Variants in TECR observed in about 807,000 individuals in gnomAD.
TECR encodes very-long-chain enoyl-CoA reductase.
TECR carries 19 observed loss-of-function variants against 50.6 expected under a neutral mutation model. The ratio of observed to expected loss-of-function variants is 0.38; its 90% CI spans 0.26 to 0.55. The LOEUF is 0.55. TECR is among the 20% of genes least tolerant of loss of function. TECR has a pLI of 0.79. For missense variants in TECR, 313 were observed against 408.3 expected (o/e 0.77, Z 2.01); for synonymous variants, 168 against 163.5 (o/e 1.03, Z -0.21).
At chr19:14,534,801 A>C (rs145977907) in intron 1 of TECR, among the ~76,000 whole-genome samples, 1 of 152,156 alleles carries the variant, frequency 6.6e-6, no homozygotes, top group Non-Finnish European at 1.5e-5. Flanking sequence ...AGATAATGCA[A>C]CTGAAGCTCA....
At chr19:14,545,263 C>T (rs189032961) in intron 1 of TECR, 1,020 of 453,810 alleles carry the variant, frequency 2.2e-3, no homozygotes, top group Non-Finnish European at 2.5e-3. Flanking sequence ...TTCCAGCCTC[C>T]GGGTGTCACC....
chr19:14,542,758 A>G (rs1325206114), intron 1 of TECR, among the ~76,000 whole-genome samples: 1 of 151,028 alleles, frequency 6.6e-6, no homozygotes. Context: ...GAGCAGAGCG[A>G]CTCACCCCAG....
rs781472725 is a variant in TECR, at chr19:14,564,985, T to G, written c.599T>G (p.Ile200Ser). 8 of 1,613,992 alleles carry G rather than the reference T, an allele frequency of 5.0e-6. No homozygotes were observed. Among genetic ancestry groups the G allele is most frequent in the Non-Finnish European group, 5.9e-6 (7 of 1,180,018 alleles). The change falls in exon 9 of 13, where the codon ATC (isoleucine) becomes AGC (serine). Residue 200 changes from isoleucine (I) to serine (S), a missense_variant. Transcript: ENST00000215567. ...GAQQVKLALA[I>S]FVICQLGNFS... is the part of the protein sequence containing the mutation. The stretch of plus-strand genomic sequence containing the variant: ...CAGCAGGTGAAACTGGCGCTCGCCA[T>G]CTTTGTGGTAAGGAGGCTGGGTGTG...
At position 14,544,749 on chromosome 19, in the gene TECR, C is replaced by T. The variant is rs565573129; in HGVS notation, c.15+15038C>T. ...CTGGGTTCAAGGGATTCTTGTGCCC[C>T]GGCCTCCCAAGTAGCTGAGACCACA... On this transcript the variant is annotated intron_variant, in intron 1 of 12. Coordinates refer to ENST00000215567, the MANE Select transcript of TECR (RefSeq NM_138501.6). Among the ~76,000 whole-genome samples, 265 of 151,970 alleles carry T rather than the reference C, an allele frequency of 1.7e-3. 2 individuals are homozygous for T. Among genetic ancestry groups the T allele is most frequent in the African/African-American group, 6.1e-3 (252 of 41,460 alleles).
At chr19:14,550,416 C>G (rs2073457908) in intron 1 of TECR, among the ~76,000 whole-genome samples, 1 of 152,070 alleles carries the variant, frequency 6.6e-6, no homozygotes, top group South Asian at 2.1e-4. Flanking sequence ...GGGGGTTGGC[C>G]CGGATGAGCT....
chr19:14,538,532 T>C (rs1258523073), intron 1 of TECR, among the ~76,000 whole-genome samples: 1 of 91,722 alleles, frequency 1.1e-5, no homozygotes, highest in African/African-American at 4.6e-5. Context: ...AAACTCTTTT[T>C]TTTCTTTTTT....
chr19:14,529,589 GC>G, upstream of TECR: 1 of 1,562,678 alleles, frequency 6.4e-7, no homozygotes, highest in Non-Finnish European at 8.8e-7. Context: ...CGGACGCAGA[GC>G]CGCGTTTAGT....
Position 14,563,366 on chromosome 19 carries a change from C to T in TECR, c.118+109C>T. Reference sequence around the variant, plus strand: ...TCTCCCAGGGGCCTGCAGAGATGCCCCAGTGTGGCCCAGGCTTCTGGGGCG... The same window carrying T: ...TCTCCCAGGGGCCTGCAGAGATGCCTCAGTGTGGCCCAGGCTTCTGGGGCG... On this transcript the variant is annotated intron_variant, in intron 3 of 12. Transcript: ENST00000215567. This position sits in a 1 kb window ranked among gnomAD's most constrained non-coding sequence, Gnocchi z 5.3. 9.1e-7 allele frequency: 1 copy of T among 1,093,060 alleles called. No individual in the cohort carries two copies. The highest frequency in any genetic ancestry group is 1.4e-6 in the Non-Finnish European group (1 of 727,380). 67.7% of individuals were successfully genotyped at this position (1,093,060 alleles called of 1,614,324 possible). A position where few individuals can be genotyped will look rare whatever the true frequency, so the allele number is the denominator to read the frequency against.
intron 1 of TECR, among the ~76,000 whole-genome samples, chr19:14,541,783 ATTT>A (rs113623037): frequency 7.4e-6 from 1 of 134,422 alleles, no homozygotes; most frequent in African/African-American, 2.7e-5. Context: ...ACTTCTTTTC[ATTT>A]TTTTTTTTTT....
intron 1 of TECR, chr19:14,530,530 G>A (rs972696959): frequency 1.8e-4 from 28 of 152,160 alleles, no homozygotes; most frequent in Admixed American, 1.8e-3. Flanking sequence ...GCTTACTCTT[G>A]TGCTGGTGAG....
rs370468593 is a variant in TECR at position 14,541,045 on chromosome 19, C to T, written c.15+11334C>T. Among the ~76,000 whole-genome samples, 203 of 152,088 alleles carry T rather than the reference C, an allele frequency of 1.3e-3. 4 individuals carry two copies. In the South Asian group the frequency reaches 0.03, roughly 22 times the overall value. ...TTCACCATGTGGGCCAGGCTGATCT[C>T]GAACTCCTGAGCTCAAGTGATCTGC... On this transcript the variant is annotated intron_variant, in intron 1 of 12. Coordinates refer to ENST00000215567, the MANE Select transcript of TECR (RefSeq NM_138501.6).
chr19:14,563,409 TCCACGTGGCA>T lies in TECR; in HGVS notation c.118+154_118+163del. Reference sequence around the variant, plus strand: ...CTGGGGCGTGACTGGGGCAGGCGCCTCCACGTGGCACTCCGCAGGAACGCCCTTGCTAGGC... The same window carrying T: ...CTGGGGCGTGACTGGGGCAGGCGCCTCTCCGCAGGAACGCCCTTGCTAGGC... On this transcript the variant is annotated intron_variant, in intron 3 of 12. Coordinates refer to ENST00000215567, the MANE Select transcript of TECR (RefSeq NM_138501.6). This position sits in a 1 kb window ranked among gnomAD's most constrained non-coding sequence, Gnocchi z 5.3. 1 of 859,416 alleles carries T rather than the reference TCCACGTGGCA, an allele frequency of 1.2e-6. No homozygotes were observed. Among genetic ancestry groups the T allele is most frequent in the South Asian group, 1.5e-5 (1 of 68,256 alleles). The allele number at this position is 859,416 out of a possible 1,614,324, so 53.2% of individuals were successfully genotyped here.
Position 14,563,438 on chromosome 19 carries a change from G to A in TECR, c.118+181G>A. 1 of 816,896 alleles carries A rather than the reference G, an allele frequency of 1.2e-6. No homozygotes were observed. The highest frequency in any genetic ancestry group is 2.0e-6 in the Non-Finnish European group (1 of 501,102). The allele number at this position is 816,896 out of a possible 1,614,324, so 50.6% of individuals were successfully genotyped here. A position where few individuals can be genotyped will look rare whatever the true frequency, so the allele number is the denominator to read the frequency against. The stretch of plus-strand genomic sequence containing the variant: ...CGTGGCACTCCGCAGGAACGCCCTT[G>A]CTAGGCTCTGGGAAGGACAAGATCC... On this transcript the variant is annotated intron_variant, in intron 3 of 12. Coordinates refer to ENST00000215567, the MANE Select transcript of TECR (RefSeq NM_138501.6). This position sits in a 1 kb window ranked among gnomAD's most constrained non-coding sequence, Gnocchi z 5.3.
At chr19:14,547,383 C>T (rs2146592572) in intron 1 of TECR, among the ~76,000 whole-genome samples, 1 of 151,952 alleles carries the variant, frequency 6.6e-6, no homozygotes, top group East Asian at 1.9e-4. Context: ...TTTTTTGAGA[C>T]AGAGTCTCAG....
chr19:14,541,498 T>C (rs1384508560), intron 1 of TECR, among the ~76,000 whole-genome samples: 1 of 152,244 alleles, frequency 6.6e-6, no homozygotes, highest in African/African-American at 2.4e-5. Flanking sequence ...GTCCATCACT[T>C]ATTCATTAGT....
At position 14,534,801 on chromosome 19, in the gene TECR, A is replaced by G. The variant is rs145977907; in HGVS notation, c.15+5090A>G. ...ACTGTTCTACTTTACAGATAATGCA[A>G]CTGAAGCTCAGAGAGGTAAACTAAG... is the stretch of plus-strand genomic sequence containing the variant. On this transcript the variant is annotated intron_variant, in intron 1 of 12. Transcript: ENST00000215567. Among the ~76,000 whole-genome samples the G allele has an allele frequency of 3.7e-3, 559 of 152,272 alleles. 5 individuals are homozygous for G. Among genetic ancestry groups the G allele is most frequent in the African/African-American group, 0.011 (472 of 41,538 alleles).
chr19:14,554,043 G>T (rs557699683), intron 1 of TECR, among the ~76,000 whole-genome samples: 1 of 152,338 alleles, frequency 6.6e-6, no homozygotes, highest in African/African-American at 2.4e-5. Context: ...CAGGTGGGCT[G>T]TGCGGCACCA....
chr19:14,545,510 G>GT (rs1258750497), intron 1 of TECR, among the ~76,000 whole-genome samples: 10 of 152,130 alleles, frequency 6.6e-5, no homozygotes, highest in Non-Finnish European at 1.3e-4. Flanking sequence ...AGCCTAGGGG[G>GT]TGGGGGGGAT....
At chr19:14,544,600 G>A (rs1401057164) in intron 1 of TECR, among the ~76,000 whole-genome samples, 3 of 151,710 alleles carry the variant, frequency 2.0e-5, no homozygotes, top group Non-Finnish European at 2.9e-5. Context: ...CCATGAACCG[G>A]GCTCATCTTT....
Sources: allele counts gnomAD v4.1 joint callset (sites outside exome capture counted in the v4.1 genomes callset), GRCh38; gene constraint gnomAD v4.1.1; non-coding constraint Gnocchi (gnomAD v3.1); transcripts MANE v1.5; gene names NCBI Gene and HGNC (gene_info 2026-07-23, HGNC 2026-07-21).